The following DSCAM variants were observed in gnomAD, a reference collection of about 807,000 sequenced individuals.
The protein encoded by DSCAM is cell adhesion molecule DSCAM.
A neutral mutation model predicts 217.7 loss-of-function variants in DSCAM; 47 were observed. That is an observed-to-expected ratio of 0.22 (90% CI 0.17 to 0.28). The LOEUF (loss-of-function observed/expected upper bound fraction) is 0.28. DSCAM is among the 10% of genes least tolerant of loss of function. The pLI is 1.00. For missense variants in DSCAM, 2,080 were observed against 2,618.3 expected (o/e 0.79, Z 4.49); for synonymous variants, 1,056 against 1,015.3 (o/e 1.04, Z -0.76).
intron 8 of DSCAM, among the ~76,000 whole-genome samples, chr21:40,330,069 G>C (rs926235973): frequency 6.6e-6 from 1 of 151,738 alleles, no homozygotes; most frequent in South Asian, 2.1e-4. Context: ...TATGTTATTT[G>C]ATCAGATTTA....
chr21:40,135,131 G>A (rs2090193842), intron 18 of DSCAM, among the ~76,000 whole-genome samples: 1 of 152,218 alleles, frequency 6.6e-6, no homozygotes, highest in African/African-American at 2.4e-5. Flanking sequence ...AGAAGGGCCT[G>A]AGAACTGTTC....
At chr21:40,054,861 A>C (rs985680841) in intron 29 of DSCAM, among the ~76,000 whole-genome samples, 13 of 152,172 alleles carry the variant, frequency 8.5e-5, no homozygotes, top group African/African-American at 3.1e-4. Context: ...ACCTCTCTAC[A>C]TCTTGGTTAC....
At chr21:40,026,444 G>A (rs1367367531) in intron 32 of DSCAM, among the ~76,000 whole-genome samples, 13 of 140,748 alleles carry the variant, frequency 9.2e-5, no homozygotes, top group African/African-American at 2.1e-4. Flanking sequence ...TTTCTGTCTC[G>A]TTGATCTGTC....
At chr21:40,767,835 T>C (rs1485873145) in intron 1 of DSCAM, among the ~76,000 whole-genome samples, 1 of 152,104 alleles carries the variant, frequency 6.6e-6, no homozygotes, top group Non-Finnish European at 1.5e-5. Context: ...TAGTTTAACA[T>C]TGCCAGTTTA....
chr21:40,220,368 A>G (rs959785585), intron 11 of DSCAM, among the ~76,000 whole-genome samples: 13 of 152,346 alleles, frequency 8.5e-5, no homozygotes, highest in Admixed American at 6.5e-4. Context: ...AAAATGTAGA[A>G]GGAAAATACA....
chr21:40,821,834 A>C (rs1044700932), intron 1 of DSCAM, among the ~76,000 whole-genome samples: 6 of 151,990 alleles, frequency 3.9e-5, no homozygotes, highest in Non-Finnish European at 7.4e-5. Context: ...GCACATAGAG[A>C]GGAACAACAC....
intron 3 of DSCAM, among the ~76,000 whole-genome samples, chr21:40,589,159 G>A (rs1476703417): frequency 6.6e-6 from 1 of 152,104 alleles, no homozygotes; most frequent in Non-Finnish European, 1.5e-5. Flanking sequence ...AATAATCAGT[G>A]AAGAAACAGC....
chr21:40,118,186 T>C (rs889848461), intron 20 of DSCAM, among the ~76,000 whole-genome samples: 2 of 152,032 alleles, frequency 1.3e-5, no homozygotes, highest in South Asian at 2.1e-4. Context: ...AGATTCAGAA[T>C]TGGAAAAAGG....
chr21:40,324,887 T>G (rs1329546628), intron 8 of DSCAM, among the ~76,000 whole-genome samples: 2 of 152,212 alleles, frequency 1.3e-5, no homozygotes, highest in African/African-American at 2.4e-5. Flanking sequence ...AATTATTTTA[T>G]TTTTGTTTAT....
chr21:40,550,509 A>T (rs2076621172), intron 3 of DSCAM, among the ~76,000 whole-genome samples: 1 of 152,218 alleles, frequency 6.6e-6, no homozygotes, highest in Non-Finnish European at 1.5e-5. Flanking sequence ...TGAGTGACAG[A>T]GCAAGAATCC....
intron 3 of DSCAM, among the ~76,000 whole-genome samples, chr21:40,384,377 G>A (rs2123738464): frequency 6.6e-6 from 1 of 152,274 alleles, no homozygotes; most frequent in South Asian, 2.1e-4. Context: ...GGAGGCCTAG[G>A]TGGGTGGATC....
Position 40,013,277 on chromosome 21 carries a change from C to G in DSCAM, c.5796G>C (p.Gln1932His). ...LSLGQACLEP[Q>H]KSRTLKRPTV... ...TGGGGCGCTTCAGGGTCCGGCTTTT[C>G]TGAGGTTCCAAGCATGCTTGTCCTA... Residue 1932 changes from glutamine to histidine, a missense_variant, in exon 33 of 33, where the codon CAG becomes CAC. This residue lies in a region of DSCAM where 145 missense variants were observed against 138.5 expected (regional missense o/e 1.05). Transcript: ENST00000400454. The G allele has an allele frequency of 1.2e-6, 2 of 1,613,758 alleles. No individual in the cohort carries two copies. Among genetic ancestry groups the G allele is most frequent in the South Asian group, 2.2e-5 (2 of 90,942 alleles).
chr21:40,288,224 TACCACTG>T (rs1306420374), intron 10 of DSCAM, among the ~76,000 whole-genome samples: 2 of 152,178 alleles, frequency 1.3e-5, no homozygotes, highest in Non-Finnish European at 2.9e-5. Flanking sequence ...AAAAATTCAC[TACCACTG>T]ACAAATGGAA....
chr21:40,671,471 C>T (rs1054665635), intron 3 of DSCAM, among the ~76,000 whole-genome samples: 2 of 151,770 alleles, frequency 1.3e-5, no homozygotes, highest in Admixed American at 6.6e-5. Flanking sequence ...GCCAGGAGTT[C>T]GAGACCAGCC....
At chr21:40,595,500 C>G (rs1372349665) in intron 3 of DSCAM, among the ~76,000 whole-genome samples, 1 of 151,954 alleles carries the variant, frequency 6.6e-6, no homozygotes, top group Non-Finnish European at 1.5e-5. Flanking sequence ...CAAGAGCCAT[C>G]TCTATTCGAA....
At chr21:40,791,402 C>A (rs2091641720) in intron 1 of DSCAM, among the ~76,000 whole-genome samples, 1 of 152,146 alleles carries the variant, frequency 6.6e-6, no homozygotes, top group East Asian at 1.9e-4. Flanking sequence ...CGCCTGTAAT[C>A]CCAGCACTTT....
chr21:40,268,631 G>A (rs2073573004), intron 11 of DSCAM, among the ~76,000 whole-genome samples: 1 of 152,122 alleles, frequency 6.6e-6, no homozygotes, highest in Non-Finnish European at 1.5e-5. Context: ...CAGTGGAGTG[G>A]AAACATAAGA....
intron 1 of DSCAM, among the ~76,000 whole-genome samples, chr21:40,777,477 C>A (rs573564624): frequency 2.6e-4 from 39 of 152,284 alleles, no homozygotes; most frequent in Admixed American, 2.0e-3. Flanking sequence ...ATGCTTGCAT[C>A]ATGAAGGAGG....
chr21:40,443,577 A>G (rs2075650309), intron 3 of DSCAM, among the ~76,000 whole-genome samples: 1 of 152,222 alleles, frequency 6.6e-6, no homozygotes, highest in African/African-American at 2.4e-5. Context: ...ATCTAGGTTT[A>G]TATCATCACT....
Sources: allele counts gnomAD v4.1 joint callset (sites outside exome capture counted in the v4.1 genomes callset), GRCh38; gene constraint gnomAD v4.1.1; regional missense constraint gnomAD v4.1.1; transcripts MANE v1.5; gene names NCBI Gene and HGNC (gene_info 2026-07-23, HGNC 2026-07-21).